The following MEI4 variants were observed in gnomAD, a reference collection of about 807,000 sequenced individuals.
MEI4 encodes meiotic double-stranded break formation protein 4, also known as meiosis-specific protein MEI4.
A neutral mutation model predicts 31.4 loss-of-function variants in MEI4; 27 were observed. That is an observed-to-expected ratio of 0.86 (90% CI 0.63 to 1.19). The LOEUF is 1.19. Among genes scored for constraint, MEI4 ranks in the 50% most tolerant of loss-of-function variants. The probability of loss-of-function intolerance (pLI) is 0.00; values close to 1 mark genes in which losing one functional copy is unlikely to be tolerated. For synonymous variants in MEI4, 122 were observed against 145.4 expected (o/e 0.84, Z 1.16); for missense variants, 329 against 398.9 (o/e 0.82, Z 1.49).
chr6:77,804,799 G>A (rs1481136098), intron 3 of MEI4, among the ~76,000 whole-genome samples: 1 of 152,152 alleles, frequency 6.6e-6, no homozygotes, highest in Non-Finnish European at 1.5e-5. Context: ...ATCCATGTTT[G>A]AAAGGCACTC....
intron 3 of MEI4, among the ~76,000 whole-genome samples, chr6:77,827,488 C>A (rs1259192835): frequency 6.6e-6 from 1 of 151,202 alleles, no homozygotes; most frequent in Non-Finnish European, 1.5e-5. Context: ...CCTGTACCTA[C>A]TTCTTTTCCT....
At chr6:77,778,585 T>C (rs887424901) in intron 3 of MEI4, among the ~76,000 whole-genome samples, 9 of 151,862 alleles carry the variant, frequency 5.9e-5, no homozygotes, top group Admixed American at 5.9e-4. Flanking sequence ...GTCTGTAGTC[T>C]CAGCTACCTG....
At chr6:77,770,571 G>A (rs949307263) in intron 3 of MEI4, among the ~76,000 whole-genome samples, 2 of 151,588 alleles carry the variant, frequency 1.3e-5, no homozygotes, top group African/African-American at 4.9e-5. Context: ...AAAGAACAAA[G>A]CTGGAGGCAT....
Position 77,828,955 on chromosome 6 carries a change from C to G in MEI4, c.793C>G (p.Gln265Glu). The change falls in exon 4 of 5, where the codon CAG becomes GAG. Residue 265 changes from glutamine (Q) to glutamate (E), a missense_variant. By Grantham distance (29) the Gln-to-Glu change is conservative. Transcript: ENST00000684080. ...GTTTCAGGTGCAGCATTATGTCTCTCAGAGTCTGGTTACCTTGGGAAATTG... is the reference window on the plus strand; with the variant it reads ...GTTTCAGGTGCAGCATTATGTCTCTGAGAGTCTGGTTACCTTGGGAAATTG... ...NQFQVQHYVSQSLVTLGNCSL... is the reference protein window; with the variant it reads ...NQFQVQHYVSESLVTLGNCSL... 1 of 1,232,226 alleles carries G rather than the reference C, an allele frequency of 8.1e-7. No homozygotes were observed. Among genetic ancestry groups the G allele is most frequent in the Non-Finnish European group, 1.0e-6 (1 of 987,894 alleles). The allele number at this position is 1,232,226 out of a possible 1,614,324, so 76.3% of individuals were successfully genotyped here.
intron 3 of MEI4, among the ~76,000 whole-genome samples, chr6:77,770,277 A>G (rs1463866640): frequency 6.6e-6 from 1 of 152,078 alleles, no homozygotes; most frequent in Non-Finnish European, 1.5e-5. Flanking sequence ...ACCATGAAGA[A>G]ATTTAAAGCC....
chr6:77,887,156 G>A (rs1432269049), intron 4 of MEI4, among the ~76,000 whole-genome samples: 1 of 143,554 alleles, frequency 7.0e-6, no homozygotes, highest in Non-Finnish European at 1.5e-5. Context: ...AGTATGTTGT[G>A]TTTCCATTTT....
chr6:77,883,093 G>A (rs1460052804), intron 4 of MEI4, among the ~76,000 whole-genome samples: 1 of 152,028 alleles, frequency 6.6e-6, no homozygotes, highest in African/African-American at 2.4e-5. Context: ...TCTCACAAAT[G>A]TAGGCAGTTT....
intron 2 of MEI4, among the ~76,000 whole-genome samples, chr6:77,733,095 G>C (rs868857841): frequency 2.0e-5 from 3 of 151,550 alleles, no homozygotes; most frequent in African/African-American, 7.3e-5. Context: ...TCTCTTTTTT[G>C]GTTGTGTCTC....
At chr6:77,871,093 T>C (rs994710098) in intron 4 of MEI4, among the ~76,000 whole-genome samples, 10 of 152,180 alleles carry the variant, frequency 6.6e-5, no homozygotes, top group African/African-American at 2.2e-4. Flanking sequence ...TCTCACTTTG[T>C]TTTTGATAAT....
chr6:77,798,762 G>A (rs1467077455), intron 3 of MEI4, among the ~76,000 whole-genome samples: 3 of 150,922 alleles, frequency 2.0e-5, no homozygotes, highest in East Asian at 3.9e-4. Flanking sequence ...TTGTTCTCGC[G>A]ATAGTTTACT....
chr6:77,841,333 A>ATATATATATATATATAT, intron 4 of MEI4, among the ~76,000 whole-genome samples: 1 of 27,736 alleles, frequency 3.6e-5, no homozygotes, highest in Non-Finnish European at 5.2e-5. Context: ...ATATATATAT[A>ATATATATATATATATAT]TTTTTTTTTT....
intron 3 of MEI4, among the ~76,000 whole-genome samples, chr6:77,806,830 T>G (rs1769452525): frequency 6.6e-6 from 1 of 152,152 alleles, no homozygotes; most frequent in South Asian, 2.1e-4. Context: ...CTACGACTTG[T>G]TTTTGTAAAT....
At position 77,688,439 on chromosome 6, in the gene MEI4, A is replaced by G. The variant is rs571419303; in HGVS notation, c.-14-2219A>G. Among the ~76,000 whole-genome samples the G allele has an allele frequency of 5.3e-5, 8 of 152,266 alleles. No individual in the cohort carries two copies. The East Asian group carries it at 1.5e-3, about 29-fold the overall frequency. On this transcript the variant is annotated intron_variant, in intron 1 of 4. Coordinates refer to ENST00000684080, the MANE Select transcript of MEI4 (RefSeq NM_001322247.2). ...AAATGACCCTGACCTTGATATAGTT[A>G]CAATCCATAAGAATTTTATAATTTG... is the stretch of plus-strand genomic sequence containing the variant.
In MEI4 at chr6:77,841,333, AT is replaced by A. The variant is rs1239589008; in HGVS notation, c.900+12294del. 4.5e-3 allele frequency among the ~76,000 whole-genome samples: 125 copies of A among 27,740 alleles called. 1 individual carries two copies. Among genetic ancestry groups the A allele is most frequent in the African/African-American group, 0.026 (80 of 3,076 alleles). 18.2% of individuals were successfully genotyped at this position (27,740 alleles called of 152,430 possible). A position where few individuals can be genotyped will look rare whatever the true frequency, so the allele number is the denominator to read the frequency against. ...TGTGTGCATATATATATATATATAT[AT>A]TTTTTTTTTTTTTTTTTTTTTTGAG... On this transcript the variant is annotated intron_variant, in intron 4 of 4. Coordinates refer to ENST00000684080, the MANE Select transcript of MEI4 (RefSeq NM_001322247.2).
At chr6:77,741,240 G>A (rs2127672742) in intron 2 of MEI4, among the ~76,000 whole-genome samples, 1 of 152,294 alleles carries the variant, frequency 6.6e-6, no homozygotes, top group African/African-American at 2.4e-5. Context: ...GCTGGAGAAG[G>A]ACGAAGGGGC....
chr6:77,899,301 T>A (rs1381645384), intron 4 of MEI4, among the ~76,000 whole-genome samples: 1 of 152,040 alleles, frequency 6.6e-6, no homozygotes, highest in Non-Finnish European at 1.5e-5. Context: ...AACTGGAGTC[T>A]GTTGATGAGG....
intron 4 of MEI4, among the ~76,000 whole-genome samples, chr6:77,853,565 C>G (rs1770682580): frequency 6.6e-6 from 1 of 152,150 alleles, no homozygotes; most frequent in East Asian, 1.9e-4. Flanking sequence ...TTATGAAAAG[C>G]ATGAGGCAAT....
At chr6:77,849,164 TA>T (rs1299127396) in intron 4 of MEI4, among the ~76,000 whole-genome samples, 1 of 152,150 alleles carries the variant, frequency 6.6e-6, no homozygotes, top group African/African-American at 2.4e-5. Flanking sequence ...TATATTAACC[TA>T]AAAATAATTG....
At chr6:77,668,038 A>T (rs959908891) in intron 1 of MEI4, among the ~76,000 whole-genome samples, 1 of 151,392 alleles carries the variant, frequency 6.6e-6, no homozygotes, top group Non-Finnish European at 1.5e-5. Flanking sequence ...TCAATAACCT[A>T]GTAGCATCTT....
Sources: gnomAD v4.1 joint callset for allele counts (sites outside exome capture counted in the v4.1 genomes callset) on GRCh38, gnomAD v4.1.1 for gene constraint, MANE v1.5 for transcripts, NCBI Gene and HGNC (gene_info 2026-07-23, HGNC 2026-07-21) for gene names.